The following UNC93A variants were observed in gnomAD, a reference collection of about 807,000 sequenced individuals.
UNC93A encodes unc-93 homolog A.
A neutral mutation model predicts 47.5 loss-of-function variants in UNC93A; 43 were observed. The ratio of observed to expected loss-of-function variants is 0.91; its 90% CI spans 0.71 to 1.17. The LOEUF (loss-of-function observed/expected upper bound fraction) is 1.17, where lower values mean the gene tolerates loss of function less well. Among genes scored for constraint, UNC93A ranks in the 50% most tolerant of loss-of-function variants. The pLI is 0.00. For synonymous variants in UNC93A, 280 were observed against 258.0 expected (o/e 1.09, Z -0.82); for missense variants, 605 against 577.6 (o/e 1.05, Z -0.49).
intron 1 of UNC93A, among the ~76,000 whole-genome samples, chr6:167,272,989 A>T (rs1440565714): frequency 6.6e-6 from 1 of 151,112 alleles, no homozygotes; most frequent in Non-Finnish European, 1.5e-5. Context: ...GCAGAGGAGG[A>T]GGTTCATTCA....
At chr6:167,302,520 T>C (rs1778271776) in intron 4 of UNC93A, among the ~76,000 whole-genome samples, 1 of 152,002 alleles carries the variant, frequency 6.6e-6, no homozygotes, top group African/African-American at 2.4e-5. Context: ...GGAGATGCAA[T>C]GGTATCACAG....
chr6:167,283,596 C>T (rs949843981), intron 1 of UNC93A, among the ~76,000 whole-genome samples: 3 of 152,016 alleles, frequency 2.0e-5, no homozygotes, highest in Non-Finnish European at 4.4e-5. Context: ...CTGATTTCTG[C>T]GCTTGTCCTA....
At chr6:167,304,486 C>A (rs1778326945) in intron 5 of UNC93A, among the ~76,000 whole-genome samples, 1 of 152,232 alleles carries the variant, frequency 6.6e-6, no homozygotes, top group South Asian at 2.1e-4. Context: ...ACCCTGCACT[C>A]TTACTTTAGA....
upstream of UNC93A, among the ~76,000 whole-genome samples, chr6:167,289,973 G>C (rs1211378997): frequency 1.3e-5 from 2 of 152,182 alleles, no homozygotes; most frequent in East Asian, 3.8e-4. Context: ...AACATTTATT[G>C]GTGAAGTTGA....
At chr6:167,312,853 T>C (rs1001375132) in intron 7 of UNC93A, among the ~76,000 whole-genome samples, 5 of 152,206 alleles carry the variant, frequency 3.3e-5, no homozygotes, top group African/African-American at 1.2e-4. Context: ...AGGAACCAAA[T>C]CTTGAGTAAT....
chr6:167,286,482 G>A (rs375748170), upstream of UNC93A, among the ~76,000 whole-genome samples: 59 of 151,188 alleles, frequency 3.9e-4, no homozygotes, highest in South Asian at 0.01. Context: ...CTGCAATAGC[G>A]GCTGGAGCGA....
intron 1 of UNC93A, among the ~76,000 whole-genome samples, chr6:167,275,096 G>T (rs968387200): frequency 6.6e-6 from 1 of 152,160 alleles, no homozygotes; most frequent in African/African-American, 2.4e-5. Flanking sequence ...GGAGCTGACC[G>T]TGGCATCTGT....
intron 7 of UNC93A, among the ~76,000 whole-genome samples, chr6:167,313,224 G>C (rs1458796488): frequency 6.6e-6 from 1 of 152,132 alleles, no homozygotes; most frequent in African/African-American, 2.4e-5. Context: ...CCATGCTGGG[G>C]AACCTACTGT....
At chr6:167,292,336 A>G (rs776201114) in intron 1 of UNC93A, among the ~76,000 whole-genome samples, 1 of 152,150 alleles carries the variant, frequency 6.6e-6, no homozygotes, top group Non-Finnish European at 1.5e-5. Flanking sequence ...GCTTCTGATG[A>G]CAAATTAGTG....
intron 1 of UNC93A, among the ~76,000 whole-genome samples, chr6:167,283,852 T>C (rs1783675559): frequency 6.6e-6 from 1 of 152,152 alleles, no homozygotes; most frequent in Non-Finnish European, 1.5e-5. Flanking sequence ...CAACTTACGA[T>C]GTTAAAAAGA....
intron 2 of UNC93A, among the ~76,000 whole-genome samples, chr6:167,295,663 ATCCTCGCCTGCCTCGTGC>A (rs1562350520): frequency 4.7e-5 from 1 of 21,192 alleles, no homozygotes; most frequent in Non-Finnish European, 7.7e-5. Flanking sequence ...CTCCCTCGTG[ATCCTCGCCTGCCTCGTGC>A]TCCTCGCCTG....
At position 167,315,576 on chromosome 6, in the gene UNC93A, G is replaced by C. The variant is rs1379802688; in HGVS notation, c.*124G>C. 6.0e-6 allele frequency: 8 copies of C among 1,340,900 alleles called. No homozygotes were observed. In the East Asian group the frequency reaches 1.9e-4, roughly 32 times the overall value. 83.1% of individuals were successfully genotyped at this position (1,340,900 alleles called of 1,614,324 possible). ...CAGCACAATTTGGCCATTCTGAAGA[G>C]ATCATGTTATTTCACTCTTCATGTA... is the stretch of plus-strand genomic sequence containing the variant. On this transcript the variant is annotated 3_prime_UTR_variant, in exon 8 of 8. Coordinates refer to ENST00000230256, the MANE Select transcript of UNC93A (RefSeq NM_018974.4).
chr6:167,287,419 G>T (rs141099161), upstream of UNC93A, among the ~76,000 whole-genome samples: 973 of 152,248 alleles, frequency 6.4e-3, 6 homozygotes, highest in East Asian at 0.011. Context: ...TTTTGGGATC[G>T]CACTTCTTCT....
At chr6:167,301,229 C>T (rs1220786714) in intron 4 of UNC93A, among the ~76,000 whole-genome samples, 1 of 152,184 alleles carries the variant, frequency 6.6e-6, no homozygotes, top group Non-Finnish European at 1.5e-5. Context: ...CAGGGTTACC[C>T]CCAGTGTGCT....
intron 7 of UNC93A, among the ~76,000 whole-genome samples, chr6:167,309,831 G>GC (rs997010832): frequency 5.3e-5 from 8 of 152,128 alleles, no homozygotes; most frequent in Non-Finnish European, 1.0e-4. Context: ...CCTTTCTGCT[G>GC]CCCCAGTAAT....
rs1281122318 is a variant in UNC93A, at chr6:167,304,167, C to A, written c.840+34C>A. The stretch of plus-strand genomic sequence containing the variant: ...GAAAGTGAGGGCCGGTGGCTCAGGC[C>A]ATGCGTGGCATCACTGCCTTGCCTG... On this transcript the variant is annotated intron_variant, in intron 5 of 7. Transcript: ENST00000230256. 9 of 1,609,622 alleles carry A rather than the reference C, an allele frequency of 5.6e-6. No homozygotes were observed. The South Asian group carries it at 8.8e-5, about 16-fold the overall frequency.
chr6:167,307,537 G>A (rs1778434131), intron 6 of UNC93A, among the ~76,000 whole-genome samples: 2 of 148,084 alleles, frequency 1.4e-5, no homozygotes, highest in Non-Finnish European at 3.0e-5. Context: ...CCAGAGGATG[G>A]TTGAGACAGT....
upstream of UNC93A, among the ~76,000 whole-genome samples, chr6:167,287,375 C>CT (rs1350252247): frequency 2.6e-5 from 4 of 152,156 alleles, no homozygotes; most frequent in East Asian, 7.7e-4. Flanking sequence ...GCGTGTGTAC[C>CT]ACCCCATACT....
chr6:167,313,571 A>G (rs1778613423), intron 7 of UNC93A, among the ~76,000 whole-genome samples: 1 of 152,154 alleles, frequency 6.6e-6, no homozygotes, highest in South Asian at 2.1e-4. Flanking sequence ...CGGCAGCACA[A>G]TATAAATTTC....
Sources: allele counts gnomAD v4.1 joint callset (sites outside exome capture counted in the v4.1 genomes callset), GRCh38; gene constraint gnomAD v4.1.1; transcripts MANE v1.5; gene names NCBI Gene and HGNC (gene_info 2026-07-23, HGNC 2026-07-21).